Variants in EPHA6 observed in about 807,000 individuals in gnomAD.
EPHA6 encodes the protein ephrin type-A receptor 6.
Under a neutral mutation model 112.0 loss-of-function variants are expected in EPHA6, and 50 were observed. That is an observed-to-expected ratio of 0.45 (90% CI 0.36 to 0.56). The LOEUF is 0.56. Among genes scored for constraint, EPHA6 ranks in the 20% least tolerant of loss-of-function variants. The pLI is 0.00. For synonymous variants in EPHA6, 529 were observed against 490.7 expected (o/e 1.08, Z -1.03); for missense variants, 1,280 against 1,417.4 (o/e 0.90, Z 1.56).
At chr3:97,745,242 T>C (rs1011280332) in intron 16 of EPHA6, 26 of 301,512 alleles carry the variant, frequency 8.6e-5, no homozygotes, top group Non-Finnish European at 1.6e-4. Flanking sequence ...TTTTACAATA[T>C]TGATTAACAT....
At chr3:97,368,088 A>C (rs1324511067) in intron 5 of EPHA6, among the ~76,000 whole-genome samples, 2 of 152,176 alleles carry the variant, frequency 1.3e-5, no homozygotes, top group African/African-American at 4.8e-5. Context: ...CTGTATGTTG[A>C]TAAACACTGA....
chr3:97,368,572 A>G (rs1036840239), intron 5 of EPHA6, among the ~76,000 whole-genome samples: 4 of 152,184 alleles, frequency 2.6e-5, no homozygotes, highest in Non-Finnish European at 5.9e-5. Context: ...TATGGTACTT[A>G]TATTTGCTAC....
chr3:97,663,080 G>A (rs1049724552), intron 14 of EPHA6, among the ~76,000 whole-genome samples: 6 of 152,120 alleles, frequency 3.9e-5, no homozygotes, highest in African/African-American at 1.4e-4. Context: ...ACTCTGAGGG[G>A]AAATGCAAAA....
intron 14 of EPHA6, among the ~76,000 whole-genome samples, chr3:97,640,019 T>C (rs2107565599): frequency 1.3e-5 from 2 of 152,228 alleles, no homozygotes; most frequent in South Asian, 4.2e-4. Flanking sequence ...AACATGGACA[T>C]TCAGCACTTA....
Position 97,374,744 on chromosome 3 carries a change from A to G in EPHA6, c.1607-30406A>G, listed in dbSNP as rs943491501. On this transcript the variant is annotated intron_variant, in intron 5 of 17. Coordinates refer to ENST00000389672, the MANE Select transcript of EPHA6 (RefSeq NM_001080448.3). ...TGTGTATCCAGTTTAGCTTCTACTT[A>G]TAAAAAAGAATAAAATTATGTCCTT... 2.0e-5 allele frequency among the ~76,000 whole-genome samples: 3 copies of G among 152,134 alleles called. No homozygotes were observed. The East Asian group carries it at 5.8e-4, about 29-fold the overall frequency.
intron 3 of EPHA6, among the ~76,000 whole-genome samples, chr3:97,192,409 G>A (rs896073912): frequency 3.9e-5 from 6 of 152,126 alleles, no homozygotes; most frequent in African/African-American, 1.4e-4. Context: ...TAGGATTACA[G>A]GTGCCTGACC....
chr3:97,342,594 TTCAATGTGATAG>T (rs1485136753), intron 5 of EPHA6, among the ~76,000 whole-genome samples: 1 of 152,184 alleles, frequency 6.6e-6, no homozygotes, highest in Non-Finnish European at 1.5e-5. Flanking sequence ...CGCCCTAACC[TTCAATGTGATAG>T]TATTTCCAGA....
At chr3:97,410,186 C>T (rs772408656) in intron 6 of EPHA6, among the ~76,000 whole-genome samples, 2 of 151,958 alleles carry the variant, frequency 1.3e-5, no homozygotes, top group African/African-American at 2.4e-5. Flanking sequence ...TTTCTTCCTC[C>T]GTAATCCTGT....
intron 6 of EPHA6, among the ~76,000 whole-genome samples, chr3:97,445,010 A>G (rs1157742986): frequency 1.3e-5 from 2 of 152,082 alleles, no homozygotes; most frequent in Non-Finnish European, 2.9e-5. Flanking sequence ...CAACATCTCT[A>G]GAGAACAGTA....
chr3:97,185,002 G>A (rs1334830505), intron 3 of EPHA6, among the ~76,000 whole-genome samples: 4 of 152,164 alleles, frequency 2.6e-5, no homozygotes, highest in Admixed American at 1.3e-4. Flanking sequence ...TGGGAAAACT[G>A]GCTAGCCATA....
chr3:96,987,722 T>C lies in EPHA6; in HGVS notation c.843T>C (p.Ala281=). The C allele has an allele frequency of 6.2e-7, 1 of 1,609,472 alleles. No individual in the cohort carries two copies. Among genetic ancestry groups the C allele is most frequent in the Non-Finnish European group, 8.5e-7 (1 of 1,177,012 alleles). Reference sequence around the variant, plus strand: ...TAGAAAGGAAAGGATTTTATCTGGCTTTTCAAGACATTGGGGCGTGCATTG... The same window carrying C: ...TAGAAAGGAAAGGATTTTATCTGGCCTTTCAAGACATTGGGGCGTGCATTG... ...GPIERKGFYL[A]FQDIGACIAL... Residue 281 remains alanine, a synonymous_variant, in exon 3 of 18, where the codon GCT becomes GCC. Coordinates refer to ENST00000389672, the MANE Select transcript of EPHA6 (RefSeq NM_001080448.3).
chr3:96,982,362 GT>G (rs988209713), intron 2 of EPHA6, among the ~76,000 whole-genome samples: 45 of 152,192 alleles, frequency 3.0e-4, no homozygotes, highest in African/African-American at 1.1e-3. Context: ...TAGTTGAGTG[GT>G]TTTGAGTGAG....
chr3:97,112,925 T>C (rs2047767967), intron 3 of EPHA6, among the ~76,000 whole-genome samples: 1 of 152,158 alleles, frequency 6.6e-6, no homozygotes, highest in Admixed American at 6.6e-5. Flanking sequence ...CTCAGAATCA[T>C]TGTTTTTCTA....
At chr3:97,530,272 A>C (rs2107643780) in intron 10 of EPHA6, among the ~76,000 whole-genome samples, 1 of 152,110 alleles carries the variant, frequency 6.6e-6, no homozygotes, top group African/African-American at 2.4e-5. Flanking sequence ...GAAAGTTCCT[A>C]TCAATTGGCA....
At chr3:97,603,448 G>A (rs960546698) in intron 12 of EPHA6, among the ~76,000 whole-genome samples, 1 of 151,876 alleles carries the variant, frequency 6.6e-6, no homozygotes, top group Non-Finnish European at 1.5e-5. Flanking sequence ...TATCACTAGA[G>A]AAAGTATTTT....
chr3:96,982,362 G>C (rs2042830270), intron 2 of EPHA6, among the ~76,000 whole-genome samples: 1 of 152,192 alleles, frequency 6.6e-6, no homozygotes, highest in Admixed American at 6.5e-5. Flanking sequence ...TAGTTGAGTG[G>C]TTTTGAGTGA....
chr3:97,517,840 T>C (rs945289009), intron 10 of EPHA6, among the ~76,000 whole-genome samples: 1 of 152,174 alleles, frequency 6.6e-6, no homozygotes, highest in African/African-American at 2.4e-5. Flanking sequence ...TCGGAGATCA[T>C]GTGCTATTTG....
At chr3:97,336,573 T>C (rs1248111916) in intron 5 of EPHA6, among the ~76,000 whole-genome samples, 1 of 152,196 alleles carries the variant, frequency 6.6e-6, no homozygotes, top group African/African-American at 2.4e-5. Context: ...TATGCCTATA[T>C]AAATTATTTG....
chr3:97,170,822 A>T (rs1434410071), intron 3 of EPHA6, among the ~76,000 whole-genome samples: 2 of 152,140 alleles, frequency 1.3e-5, no homozygotes, highest in African/African-American at 4.8e-5. Flanking sequence ...AGTTATACAT[A>T]TGCACTCTTC....
Sources: gnomAD v4.1 joint callset for allele counts (sites outside exome capture counted in the v4.1 genomes callset) on GRCh38, gnomAD v4.1.1 for gene constraint, MANE v1.5 for transcripts, NCBI Gene and HGNC (gene_info 2026-07-23, HGNC 2026-07-21) for gene names.